Variants in DIP2B observed in about 807,000 individuals in gnomAD.
DIP2B encodes the protein disco-interacting protein 2 homolog B.
In DIP2B, 76 loss-of-function variants were observed where a neutral mutation model predicts 198.0. The ratio of observed to expected loss-of-function variants is 0.38; its 90% CI spans 0.32 to 0.46. DIP2B has a LOEUF of 0.46. DIP2B is among the 20% of genes least tolerant of loss of function. The pLI, the probability that DIP2B is intolerant of heterozygous loss-of-function variation, is 0.99. For synonymous variants in DIP2B, 701 were observed against 739.1 expected (o/e 0.95, Z 0.84); for missense variants, 1,559 against 1,978.4 (o/e 0.79, Z 4.02).
intron 19 of DIP2B, among the ~76,000 whole-genome samples, chr12:50,703,875 G>GAA (rs200389059): frequency 7.8e-6 from 1 of 128,736 alleles, no homozygotes; most frequent in African/African-American, 2.9e-5. Flanking sequence ...ATATCTGTTT[G>GAA]AAAAAAAAAA....
intron 20 of DIP2B, among the ~76,000 whole-genome samples, chr12:50,704,570 A>C (rs938564436): frequency 6.6e-6 from 1 of 152,218 alleles, no homozygotes; most frequent in Admixed American, 6.5e-5. Context: ...TGCTGGAAAA[A>C]GTTATCTTCA....
At chr12:50,714,847 CAG>C (rs1257793034) in intron 23 of DIP2B, among the ~76,000 whole-genome samples, 1 of 152,078 alleles carries the variant, frequency 6.6e-6, no homozygotes, top group African/African-American at 2.4e-5. Flanking sequence ...CAGAGGCTGA[CAG>C]AGGATGGCTT....
At chr12:50,697,009 A>G (rs888660769) in intron 16 of DIP2B, 52 bp from the exon 17 acceptor site, 100 of 1,351,342 alleles carry the variant, frequency 7.4e-5, no homozygotes, top group Admixed American at 1.2e-4. Context: ...ATTTTCCTAC[A>G]GTAATGAAAA....
At chr12:50,723,364 A>T in intron 27 of DIP2B, 41 bp downstream of exon 27, 1 of 1,607,758 alleles carries the variant, frequency 6.2e-7, no homozygotes, top group Non-Finnish European at 8.5e-7. Context: ...CATCTCCTAA[A>T]ATCCAGATTC....
intron 1 of DIP2B, among the ~76,000 whole-genome samples, chr12:50,566,181 T>C (rs1207794758): frequency 6.6e-6 from 1 of 152,144 alleles, no homozygotes; most frequent in East Asian, 1.9e-4. Flanking sequence ...TAGCTGAGAC[T>C]ACAGGTGCAT....
intron 3 of DIP2B, among the ~76,000 whole-genome samples, chr12:50,644,585 A>G (rs1359185329): frequency 1.3e-5 from 2 of 152,162 alleles, no homozygotes; most frequent in South Asian, 2.1e-4. Flanking sequence ...CAGTGAGTCA[A>G]ATTCAGTTAA....
rs35179881 is a variant in DIP2B, at chr12:50,520,035, C to CTTT, written c.100+14814_100+14816dup. 7.6e-3 allele frequency among the ~76,000 whole-genome samples: 769 copies of CTTT among 100,556 alleles called. 16 individuals carry two copies. The highest frequency in any genetic ancestry group is 0.011 in the Non-Finnish European group (558 of 51,688). 66.0% of individuals were successfully genotyped at this position (100,556 alleles called of 152,430 possible). A position where few individuals can be genotyped will look rare whatever the true frequency, so the allele number is the denominator to read the frequency against. ...CTGACCAGTCTTGTCATTGAATCTC[C>CTTT]TTTTTTTTTTTTTTTTTTTTTGAGA... On this transcript the variant is annotated intron_variant, in intron 1 of 37. Coordinates refer to ENST00000301180, the MANE Select transcript of DIP2B (RefSeq NM_173602.3).
At chr12:50,723,352 C>G in intron 27 of DIP2B, 29 bp downstream of exon 27, 1 of 1,611,514 alleles carries the variant, frequency 6.2e-7, no homozygotes, top group Non-Finnish European at 8.5e-7. Flanking sequence ...TTGCCTTGTC[C>G]TCATCTCCTA....
At chr12:50,704,782 T>C (rs896914853) in intron 20 of DIP2B, among the ~76,000 whole-genome samples, 2 of 152,090 alleles carry the variant, frequency 1.3e-5, no homozygotes, top group African/African-American at 4.8e-5. Flanking sequence ...CTGGCCAACA[T>C]GGCAAATTCT....
intron 3 of DIP2B, among the ~76,000 whole-genome samples, chr12:50,650,484 T>C (rs1460841940): frequency 6.6e-6 from 1 of 152,208 alleles, no homozygotes; most frequent in African/African-American, 2.4e-5. Flanking sequence ...CCCCCTCCTC[T>C]CAGCCTCCAG....
At chr12:50,606,128 T>C (rs1010618468) in intron 1 of DIP2B, among the ~76,000 whole-genome samples, 4 of 152,116 alleles carry the variant, frequency 2.6e-5, no homozygotes, top group Non-Finnish European at 4.4e-5. Context: ...TGGCCTTTCT[T>C]TTCTTTCTTT....
intron 3 of DIP2B, 30 bp from the exon 4 acceptor site, chr12:50,660,164 G>C: frequency 6.3e-7 from 1 of 1,583,616 alleles, no homozygotes; most frequent in Non-Finnish European, 8.6e-7. Context: ...AGAGCCGGAA[G>C]CTAATAAATG....
intron 3 of DIP2B, among the ~76,000 whole-genome samples, chr12:50,645,530 T>C (rs1938335445): frequency 6.6e-6 from 1 of 151,180 alleles, no homozygotes; most frequent in Non-Finnish European, 1.5e-5. Flanking sequence ...CAATCATGGC[T>C]CAGTGCAGCT....
intron 1 of DIP2B, among the ~76,000 whole-genome samples, chr12:50,530,432 A>G (rs945994582): frequency 2.6e-5 from 4 of 152,198 alleles, no homozygotes; most frequent in Admixed American, 2.0e-4. Context: ...CTTTGGGAAG[A>G]GCATTCATGG....
intron 3 of DIP2B, among the ~76,000 whole-genome samples, chr12:50,643,032 G>GTT (rs1396599918): frequency 4.0e-5 from 6 of 151,734 alleles, no homozygotes; most frequent in African/African-American, 1.5e-4. Context: ...GTTTCTGTGT[G>GTT]TGTGTGTGTG....
At chr12:50,539,996 A>C (rs1248920257) in intron 1 of DIP2B, among the ~76,000 whole-genome samples, 8 of 146,134 alleles carry the variant, frequency 5.5e-5, no homozygotes, top group Admixed American at 4.8e-4. Context: ...CATTACATGA[A>C]TCCATCTCAA....
At chr12:50,620,589 C>T (rs905447826) in intron 1 of DIP2B, among the ~76,000 whole-genome samples, 5 of 152,118 alleles carry the variant, frequency 3.3e-5, no homozygotes, top group African/African-American at 9.7e-5. Context: ...GGACAAAAGA[C>T]GTTACTCTAG....
intron 1 of DIP2B, among the ~76,000 whole-genome samples, chr12:50,590,930 T>C (rs766475104): frequency 6.6e-6 from 1 of 152,202 alleles, no homozygotes; most frequent in Non-Finnish European, 1.5e-5. Flanking sequence ...TGTGATACTT[T>C]TAAGAGATGG....
chr12:50,578,577 G>A (rs1411455003), intron 1 of DIP2B, among the ~76,000 whole-genome samples: 1 of 139,844 alleles, frequency 7.2e-6, no homozygotes. Context: ...GCGCAATCTC[G>A]GCTCACTGCA....
Sources: allele counts gnomAD v4.1 joint callset (sites outside exome capture counted in the v4.1 genomes callset), GRCh38; gene constraint gnomAD v4.1.1; transcripts MANE v1.5; gene names NCBI Gene and HGNC (gene_info 2026-07-23, HGNC 2026-07-21).